The following TBCEL variants were observed in gnomAD, a reference collection of about 807,000 sequenced individuals.
The protein encoded by TBCEL is tubulin-specific chaperone cofactor E-like protein.
Under a neutral mutation model 44.2 loss-of-function variants are expected in TBCEL, and 15 were observed. That is an observed-to-expected ratio of 0.34 (90% CI 0.23 to 0.52). The LOEUF (loss-of-function observed/expected upper bound fraction) is 0.52. Ranked by LOEUF, TBCEL falls within the 20% of genes least tolerant of loss-of-function variation. TBCEL has a pLI of 0.95. For synonymous variants in TBCEL, 171 were observed against 185.4 expected, an observed-to-expected ratio of 0.92 and a Z score of 0.63; for missense variants, 319 against 506.3, an observed-to-expected ratio of 0.63 and a Z score of 3.55.
chr11:121,074,904 C>A (rs1946005075), intron 8 of TBCEL, among the ~76,000 whole-genome samples: 1 of 151,888 alleles, frequency 6.6e-6, no homozygotes, highest in Non-Finnish European at 1.5e-5. Flanking sequence ...ACAGCAAGAT[C>A]CTGTGTACCC....
chr11:121,070,121 A>G (rs935366125), intron 8 of TBCEL, among the ~76,000 whole-genome samples: 12 of 152,232 alleles, frequency 7.9e-5, no homozygotes, highest in Admixed American at 1.3e-4. Context: ...ATCACTGGCC[A>G]TCAGAGAAAT....
At chr11:121,030,033 A>G (rs774343502) in intron 1 of TBCEL, among the ~76,000 whole-genome samples, 1 of 152,202 alleles carries the variant, frequency 6.6e-6, no homozygotes, top group Non-Finnish European at 1.5e-5. Context: ...TGAAGTGACT[A>G]TGAGTGATGG....
intron 8 of TBCEL, among the ~76,000 whole-genome samples, chr11:121,063,994 C>A (rs1213652213): frequency 6.6e-6 from 1 of 152,152 alleles, no homozygotes; most frequent in African/African-American, 2.4e-5. Flanking sequence ...GATTACTTAT[C>A]TTAGCTGACA....
At chr11:121,084,518 G>A (rs189050697) in intron 8 of TBCEL, among the ~76,000 whole-genome samples, 2 of 151,938 alleles carry the variant, frequency 1.3e-5, no homozygotes, top group South Asian at 2.1e-4. Flanking sequence ...TGTGATATGC[G>A]CTCAGTTGCC....
chr11:121,037,996 G>T (rs1348821080), intron 2 of TBCEL, among the ~76,000 whole-genome samples: 1 of 150,260 alleles, frequency 6.7e-6, no homozygotes, highest in Non-Finnish European at 1.5e-5. Flanking sequence ...GTCTTGCTCT[G>T]TCACCCAGGC....
intron 2 of TBCEL, among the ~76,000 whole-genome samples, chr11:121,043,259 C>T (rs928182959): frequency 1.3e-5 from 2 of 152,022 alleles, no homozygotes; most frequent in South Asian, 2.1e-4. Flanking sequence ...TTTATCAAAC[C>T]GTTACCATGT....
In TBCEL at chr11:121,067,922, T is replaced by G. The variant is rs540448749; in HGVS notation, c.956+7837T>G. ...AGATAAAGAGACAAAAACAGTAGTGTCTACTCTCAAGAAGCTAAGCTAGAG... is the reference window on the plus strand; with the variant it reads ...AGATAAAGAGACAAAAACAGTAGTGGCTACTCTCAAGAAGCTAAGCTAGAG... On this transcript the variant is annotated intron_variant, in intron 8 of 8. Transcript: ENST00000683345. 2.0e-5 allele frequency among the ~76,000 whole-genome samples: 3 copies of G among 152,350 alleles called. No individual in the cohort carries two copies. The East Asian group carries it at 5.8e-4, about 29-fold the overall frequency.
intron 6 of TBCEL, among the ~76,000 whole-genome samples, chr11:121,057,843 T>A (rs114158990): frequency 6.6e-6 from 1 of 151,828 alleles, no homozygotes; most frequent in Non-Finnish European, 1.5e-5. Context: ...CAGTCCCCCA[T>A]GGATACGAGG....
intron 1 of TBCEL, among the ~76,000 whole-genome samples, chr11:121,033,690 T>G (rs992527219): frequency 9.2e-5 from 14 of 152,208 alleles, no homozygotes; most frequent in African/African-American, 3.4e-4. Context: ...TTTTAACCGT[T>G]TTGTAGTTTA....
rs77118292 is a variant in TBCEL at position 121,052,536 on chromosome 11, C to T, written c.274-1015C>T. 2.8e-3 allele frequency among the ~76,000 whole-genome samples: 421 copies of T among 151,960 alleles called. 4 individuals carry two copies. The highest frequency in any genetic ancestry group is 9.4e-3 in the African/African-American group (389 of 41,514). ...CTACTCTTTTCTCCTTTTCTTATAG[C>T]TTTTACTTACCACATTGCCTGGTTG... On this transcript the variant is annotated intron_variant, in intron 4 of 8. Transcript: ENST00000683345.
intron 8 of TBCEL, among the ~76,000 whole-genome samples, chr11:121,063,013 G>A (rs1158280208): frequency 6.6e-6 from 1 of 152,028 alleles, no homozygotes; most frequent in Non-Finnish European, 1.5e-5. Flanking sequence ...TAGCAGTGTT[G>A]TTGGTGCAGT....
intron 8 of TBCEL, among the ~76,000 whole-genome samples, chr11:121,081,533 A>G (rs1053258506): frequency 2.0e-5 from 3 of 152,232 alleles, no homozygotes; most frequent in Non-Finnish European, 4.4e-5. Flanking sequence ...AGCAGAAACC[A>G]TCTACCTCTT....
chr11:121,037,970 T>C (rs1377496276), intron 2 of TBCEL, among the ~76,000 whole-genome samples: 1 of 152,140 alleles, frequency 6.6e-6, no homozygotes, highest in African/African-American at 2.4e-5. Flanking sequence ...TGAATTTTTT[T>C]TTTTTTTTAG....
chr11:121,040,543 C>T (rs1334020170), intron 2 of TBCEL, among the ~76,000 whole-genome samples: 2 of 151,976 alleles, frequency 1.3e-5, no homozygotes, highest in Admixed American at 1.3e-4. Context: ...TGCTTTGTTT[C>T]TGCTTGCTTT....
intron 8 of TBCEL, among the ~76,000 whole-genome samples, chr11:121,070,888 A>T (rs1945918030): frequency 6.6e-6 from 1 of 151,534 alleles, no homozygotes; most frequent in Admixed American, 6.6e-5. Context: ...AAAAACTGAG[A>T]CTAGTAAAGG....
chr11:121,045,703 A>T lies in TBCEL; in HGVS notation c.13A>T (p.Ser5Cys). 6.3e-7 allele frequency: 1 copy of T among 1,597,210 alleles called. No homozygotes were observed. Among genetic ancestry groups the T allele is most frequent in the Non-Finnish European group, 8.5e-7 (1 of 1,174,826 alleles). Residue 5 changes from serine (S) to cysteine (C), a missense_variant, in exon 3 of 9, where the codon AGT (serine) becomes TGT (cysteine). Ser to Cys is a moderately radical substitution (Grantham distance 112). Coordinates refer to ENST00000683345, the MANE Select transcript of TBCEL (RefSeq NM_001363644.2). MDQP[S>C]GRSFMQVLCE... ...TTAAGAAAGAAAGATGGATCAACCT[A>T]GTGGAAGAAGTTTCATGCAAGTATT...
chr11:121,058,614 C>T, intron 7 of TBCEL, 143 bp downstream of exon 7: 1 of 1,024,870 alleles, frequency 9.8e-7, no homozygotes, highest in South Asian at 1.5e-5. Context: ...CCCTGTAGCT[C>T]CAAATCCTGG....
chr11:121,027,631 TC>T (rs1358761837), intron 1 of TBCEL, among the ~76,000 whole-genome samples: 2 of 152,190 alleles, frequency 1.3e-5, no homozygotes, highest in Non-Finnish European at 2.9e-5. Flanking sequence ...TCCCTGAAAG[TC>T]TGCATATAAA....
At chr11:121,056,534 A>G (rs1005367215) in intron 6 of TBCEL, among the ~76,000 whole-genome samples, 1 of 151,802 alleles carries the variant, frequency 6.6e-6, no homozygotes, top group Non-Finnish European at 1.5e-5. Context: ...TGGTAAGATT[A>G]TGATTAGTTT....
Sources: gnomAD v4.1 joint callset for allele counts (sites outside exome capture counted in the v4.1 genomes callset) on GRCh38, gnomAD v4.1.1 for gene constraint, MANE v1.5 for transcripts, NCBI Gene and HGNC (gene_info 2026-07-23, HGNC 2026-07-21) for gene names.